The following PIK3C2G variants were observed in gnomAD, a reference collection of about 807,000 sequenced individuals.
The protein encoded by PIK3C2G is phosphatidylinositol 3-kinase C2 domain-containing subunit gamma.
A neutral mutation model predicts 181.1 loss-of-function variants in PIK3C2G; 168 were observed. That is an observed-to-expected ratio of 0.93 (90% CI 0.82 to 1.05). The LOEUF is 1.05. PIK3C2G is among the 50% of genes least tolerant of loss of function. The pLI is 0.00. For missense variants in PIK3C2G, 1,869 were observed against 1,732.8 expected, an observed-to-expected ratio of 1.08 and a Z score of -1.40; for synonymous variants, 573 against 592.2, an observed-to-expected ratio of 0.97 and a Z score of 0.47.
the PIK3C2G span, among the ~76,000 whole-genome samples, chr12:18,687,826 CAT>C: frequency 6.6e-6 from 1 of 151,850 alleles, no homozygotes; most frequent in Non-Finnish European, 1.5e-5. Flanking sequence ...TGAGAGAAAA[CAT>C]AAAAAAGAGG....
In PIK3C2G at chr12:18,555,606, T is replaced by C. The variant is rs116047331; in HGVS notation, c.3591-7097T>C. Among the ~76,000 whole-genome samples the C allele has an allele frequency of 7.6e-3, 1,155 of 152,258 alleles. 12 individuals are homozygous for C. Among genetic ancestry groups the C allele is most frequent in the African/African-American group, 0.026 (1,094 of 41,564 alleles). On this transcript the variant is annotated intron_variant, in intron 26 of 32. Transcript: ENST00000538779. Reference sequence around the variant, plus strand: ...CATTTTTTAAGATAGGACCTAAGGCTTAAGAAATTTTATGCTTATTATAGG... The same window carrying C: ...CATTTTTTAAGATAGGACCTAAGGCCTAAGAAATTTTATGCTTATTATAGG...
At chr12:18,462,060 A>G (rs1947949220) in intron 18 of PIK3C2G, among the ~76,000 whole-genome samples, 1 of 152,184 alleles carries the variant, frequency 6.6e-6, no homozygotes, top group African/African-American at 2.4e-5. Context: ...AAATCTCCCC[A>G]TCTCAAAATC....
the PIK3C2G span, among the ~76,000 whole-genome samples, chr12:18,660,630 G>C: frequency 6.6e-6 from 1 of 152,106 alleles, no homozygotes; most frequent in Non-Finnish European, 1.5e-5. Context: ...CCTCAGGCTG[G>C]TCCTTGGCAC....
At chr12:18,409,339 T>C (rs1446955643) in intron 16 of PIK3C2G, among the ~76,000 whole-genome samples, 5 of 151,540 alleles carry the variant, frequency 3.3e-5, no homozygotes, top group Non-Finnish European at 2.9e-5. Flanking sequence ...TAAGTGGGGG[T>C]TGAATAATGA....
intron 27 of PIK3C2G, among the ~76,000 whole-genome samples, 192 bp from the exon 28 acceptor site, chr12:18,563,185 G>A (rs1024339963): frequency 1.3e-5 from 2 of 152,060 alleles, no homozygotes; most frequent in African/African-American, 4.8e-5. Flanking sequence ...TCTGTTCCTA[G>A]CACATACAAT....
Position 18,329,029 on chromosome 12 carries a change from A to G in PIK3C2G, c.1272+3931A>G, listed in dbSNP as rs921786240. Among the ~76,000 whole-genome samples the G allele has an allele frequency of 5.9e-5, 9 of 151,974 alleles. 1 individual carries two copies. Among genetic ancestry groups the G allele is most frequent in the Admixed American group, 5.9e-4 (9 of 15,238 alleles). ...ATACAGCACAGGAAAATGAAGCACA[A>G]CTGCAGAATTGAAACTGACCTTAAA... On this transcript the variant is annotated intron_variant, in intron 8 of 32. Transcript: ENST00000538779.
intron 18 of PIK3C2G, among the ~76,000 whole-genome samples, chr12:18,475,157 A>C (rs1220884469): frequency 1.3e-5 from 2 of 152,136 alleles, no homozygotes; most frequent in Non-Finnish European, 2.9e-5. Context: ...AGGCTAATTT[A>C]ACTTTGGTAG....
At chr12:18,639,833 T>C (rs1368880697) in intron 31 of PIK3C2G, among the ~76,000 whole-genome samples, 11 of 152,108 alleles carry the variant, frequency 7.2e-5, no homozygotes, top group African/African-American at 2.2e-4. Context: ...TGGAGCACCA[T>C]AGAACATAAT....
chr12:18,533,941 C>CTTTTTTTTTTTTTTTTTTTTTTT (rs542327503), intron 24 of PIK3C2G, among the ~76,000 whole-genome samples: 1 of 91,498 alleles, frequency 1.1e-5, no homozygotes, highest in African/African-American at 4.3e-5. Context: ...CCTGCTATTT[C>CTTTTTTTTTTTTTTTTTTTTTTT]TTTTTTTTTT....
chr12:18,696,348 A>ATATATATATATATATATATATC, the PIK3C2G span: 116 of 214,244 alleles, frequency 5.4e-4, 1 homozygote, highest in East Asian at 2.5e-3. Context: ...ATATATATAT[A>ATATATATATATATATATATATC]TATCATATAA....
At chr12:18,582,577 G>T (rs12304790) in intron 29 of PIK3C2G, among the ~76,000 whole-genome samples, 7,896 of 152,152 alleles carry the variant, frequency 0.052, 677 homozygotes, top group African/African-American at 0.18. Context: ...CCTAAGAAAG[G>T]GGCTGAATCC....
rs767919081 is a variant in PIK3C2G, at chr12:18,609,628, T to C, written c.4181T>C (p.Ile1394Thr). 19 of 1,533,172 alleles carry C rather than the reference T, an allele frequency of 1.2e-5. No individual in the cohort carries two copies. The highest frequency in any genetic ancestry group is 9.3e-5 in the Admixed American group (5 of 53,634). The allele number at this position is 1,533,172 out of a possible 1,614,324, so 95.0% of individuals were successfully genotyped here. The stretch of plus-strand genomic sequence containing the variant: ...ATACTAGTGAAACACATGAAAAACA[T>C]TGTAAGTTTATTATGTATAATAAGA... ...LTILVKHMKNIHLPDGSAPSA... is the reference protein window; with the variant it reads ...LTILVKHMKNTHLPDGSAPSA... Residue 1394 changes from isoleucine (I) to threonine (T), a missense_variant and splice_region_variant, in exon 31 of 33, where the codon ATT becomes ACT. Coordinates refer to ENST00000538779, the MANE Select transcript of PIK3C2G (RefSeq NM_001288772.2).
At chr12:18,708,448 G>A in the PIK3C2G span, among the ~76,000 whole-genome samples, 1 of 152,076 alleles carries the variant, frequency 6.6e-6, no homozygotes, top group Non-Finnish European at 1.5e-5. Context: ...CATGTCTATT[G>A]TGAACAATTC....
chr12:18,535,680 T>C (rs1156988826), intron 24 of PIK3C2G, among the ~76,000 whole-genome samples: 1 of 152,140 alleles, frequency 6.6e-6, no homozygotes, highest in Non-Finnish European at 1.5e-5. Context: ...TTCTACTTGA[T>C]ATAGTAAACA....
chr12:18,534,477 T>C (rs1943733820), intron 24 of PIK3C2G, among the ~76,000 whole-genome samples: 2 of 152,010 alleles, frequency 1.3e-5, no homozygotes, highest in South Asian at 4.1e-4. Flanking sequence ...ACAACAAAAA[T>C]GACAGAATCG....
chr12:18,643,790 G>C (rs1156790501), intron 32 of PIK3C2G, among the ~76,000 whole-genome samples: 1 of 151,888 alleles, frequency 6.6e-6, no homozygotes, highest in East Asian at 1.9e-4. Context: ...CATCTACCTT[G>C]TTTTAAACTT....
intron 30 of PIK3C2G, among the ~76,000 whole-genome samples, chr12:18,609,217 C>T (rs1948211858): frequency 1.3e-5 from 2 of 152,006 alleles, no homozygotes; most frequent in African/African-American, 2.4e-5. Flanking sequence ...ATACTTTAAG[C>T]TCATTATAGT....
At chr12:18,700,583 A>C in the PIK3C2G span, among the ~76,000 whole-genome samples, 1 of 151,154 alleles carries the variant, frequency 6.6e-6, no homozygotes, top group African/African-American at 2.4e-5. Flanking sequence ...TTGAAGCTGA[A>C]ATGATATAAA....
chr12:18,639,158 T>G (rs1417134035), intron 31 of PIK3C2G, among the ~76,000 whole-genome samples: 4 of 151,700 alleles, frequency 2.6e-5, no homozygotes. Flanking sequence ...AGATATATTT[T>G]ATCTTATTTG....
Sources: allele counts gnomAD v4.1 joint callset (sites outside exome capture counted in the v4.1 genomes callset), GRCh38; gene constraint gnomAD v4.1.1; transcripts MANE v1.5; gene names NCBI Gene and HGNC (gene_info 2026-07-23, HGNC 2026-07-21).